The following ARFIP1 variants were observed in gnomAD, a reference collection of about 807,000 sequenced individuals.
ARFIP1 encodes arfaptin-1.
A neutral mutation model predicts 42.5 loss-of-function variants in ARFIP1; 24 were observed. The observed-to-expected ratio is 0.57, with a 90% CI of 0.41 to 0.80. The LOEUF (loss-of-function observed/expected upper bound fraction) is 0.80, where lower values mean the gene tolerates loss of function less well. ARFIP1 is among the 30% of genes least tolerant of loss of function. The probability of loss-of-function intolerance (pLI) is 0.00; values close to 1 mark genes in which losing one functional copy is unlikely to be tolerated. For missense variants in ARFIP1, 354 were observed against 434.0 expected, an observed-to-expected ratio of 0.82 and a Z score of 1.64; for synonymous variants, 141 against 153.7, an observed-to-expected ratio of 0.92 and a Z score of 0.61.
intron 2 of ARFIP1, among the ~76,000 whole-genome samples, chr4:152,861,285 T>A (rs1733872483): frequency 6.6e-6 from 1 of 152,206 alleles, no homozygotes; most frequent in Non-Finnish European, 1.5e-5. Flanking sequence ...ACCTAGAAGA[T>A]TCTATTCATC....
rs371605027 is a variant in ARFIP1, at chr4:152,796,502, A to G, written c.-10+16276A>G. ...GCAGAGGGACTTCCCATTTTCCCTC[A>G]TTCTCTTTTCGTTTCTGTTTAATCA... On this transcript the variant is annotated intron_variant, in intron 1 of 8. Coordinates refer to ENST00000353617, the MANE Select transcript of ARFIP1 (RefSeq NM_001025595.3). 113 of 739,668 alleles carry G rather than the reference A, an allele frequency of 1.5e-4. No homozygotes were observed. In the African/African-American group the frequency reaches 1.6e-3, roughly 11 times the overall value. The allele number at this position is 739,668 out of a possible 1,614,324, so 45.8% of individuals were successfully genotyped here. A position where few individuals can be genotyped will look rare whatever the true frequency, so the allele number is the denominator to read the frequency against.
chr4:152,812,089 C>A (rs1729512350), intron 1 of ARFIP1, among the ~76,000 whole-genome samples: 1 of 152,190 alleles, frequency 6.6e-6, no homozygotes, highest in African/African-American at 2.4e-5. Flanking sequence ...AAGTCACAAA[C>A]CCGGAACAAT....
At chr4:152,878,627 T>A (rs1258110387) in intron 5 of ARFIP1, among the ~76,000 whole-genome samples, 1 of 152,214 alleles carries the variant, frequency 6.6e-6, no homozygotes, top group African/African-American at 2.4e-5. Context: ...TTATCTTAAT[T>A]TGCCTTATAA....
At chr4:152,819,370 A>G (rs1730170140) in intron 1 of ARFIP1, among the ~76,000 whole-genome samples, 1 of 152,200 alleles carries the variant, frequency 6.6e-6, no homozygotes, top group Non-Finnish European at 1.5e-5. Flanking sequence ...CTGGCATTTC[A>G]GAAAGGCAAC....
Position 152,888,153 on chromosome 4 carries a change from G to A in ARFIP1, c.812G>A (p.Arg271His), listed in dbSNP as rs972103124. ...TCCAGGATTGAATATGATGCATATC[G>A]CACTGATTTGGAAGAACTGAATCTT... is the stretch of plus-strand genomic sequence containing the variant. ...ESARIEYDAY[R>H]TDLEELNLGP... The change falls in exon 8 of 9, where the codon CGC becomes CAC. Residue 271 changes from arginine (R) to histidine (H), a missense_variant. Physicochemically the swap from Arg to His is conservative, Grantham distance 29 (BLOSUM62 0). Transcript: ENST00000353617. 9 of 1,607,942 alleles carry A rather than the reference G, an allele frequency of 5.6e-6. No homozygotes were observed. The highest frequency in any genetic ancestry group is 1.7e-5 in the Admixed American group (1 of 58,560).
At chr4:152,822,364 T>A (rs1730460659) in intron 1 of ARFIP1, among the ~76,000 whole-genome samples, 1 of 149,614 alleles carries the variant, frequency 6.7e-6, no homozygotes, top group Non-Finnish European at 1.5e-5. Context: ...AAGAAAATGT[T>A]ACAGTCCTAA....
chr4:152,853,769 C>A (rs1241917734), intron 2 of ARFIP1, among the ~76,000 whole-genome samples: 1 of 152,116 alleles, frequency 6.6e-6, no homozygotes, highest in Non-Finnish European at 1.5e-5. Flanking sequence ...TCTCTTCACC[C>A]TCTGGGACCC....
chr4:152,781,234 C>CTTTT lies in ARFIP1; in HGVS notation c.-10+1024_-10+1027dup, dbSNP rs535397594. Among the ~76,000 whole-genome samples the CTTTT allele has an allele frequency of 1.0e-3, 124 of 118,910 alleles. 1 individual carries two copies. Among genetic ancestry groups the CTTTT allele is most frequent in the South Asian group, 3.2e-3 (12 of 3,710 alleles). 78.0% of individuals were successfully genotyped at this position (118,910 alleles called of 152,430 possible). ...TTCAGGAATTGGCCTTTTCTTTTTT[C>CTTTT]TTTTTTTTTTTTTTTTTTTGAGACA... On this transcript the variant is annotated intron_variant, in intron 1 of 8. Transcript: ENST00000353617.
intron 3 of ARFIP1, among the ~76,000 whole-genome samples, chr4:152,865,790 A>G (rs991529025): frequency 5.9e-5 from 9 of 152,202 alleles, no homozygotes; most frequent in African/African-American, 2.2e-4. Flanking sequence ...ATAATTTGGT[A>G]CCATTTTTTG....
chr4:152,835,908 G>A (rs1184411151), intron 2 of ARFIP1, among the ~76,000 whole-genome samples: 1 of 152,140 alleles, frequency 6.6e-6, no homozygotes, highest in East Asian at 1.9e-4. Flanking sequence ...CATGGTGAGA[G>A]CAGGAGCAAG....
At chr4:152,899,227 T>G (rs1487348918) in intron 8 of ARFIP1, among the ~76,000 whole-genome samples, 1 of 152,180 alleles carries the variant, frequency 6.6e-6, no homozygotes, top group Non-Finnish European at 1.5e-5. Flanking sequence ...AATTCTGAAC[T>G]TGAGATCAGG....
At chr4:152,895,119 T>G (rs1193813816) in intron 8 of ARFIP1, among the ~76,000 whole-genome samples, 1 of 152,200 alleles carries the variant, frequency 6.6e-6, no homozygotes, top group African/African-American at 2.4e-5. Flanking sequence ...GGGAAGCCCT[T>G]GAAATAATTC....
chr4:152,892,506 G>GTGTGA (rs1232446430), intron 8 of ARFIP1, among the ~76,000 whole-genome samples: 1 of 152,120 alleles, frequency 6.6e-6, no homozygotes, highest in Non-Finnish European at 1.5e-5. Context: ...ATAGTAATAA[G>GTGTGA]CTTTAGCATT....
intron 1 of ARFIP1, among the ~76,000 whole-genome samples, chr4:152,812,754 G>A (rs1729569727): frequency 6.6e-6 from 1 of 152,088 alleles, no homozygotes; most frequent in Admixed American, 6.5e-5. Flanking sequence ...ATTTTGGTGA[G>A]TGACATGTTT....
chr4:152,888,198 C>A lies in ARFIP1; in HGVS notation c.857C>A (p.Thr286Asn). The change falls in exon 8 of 9, where the codon ACT becomes AAT. Residue 286 changes from threonine (T) to asparagine (N), a missense_variant. Transcript: ENST00000353617. ...AATCTTGGACCACGTGACGCAAACA[C>A]TCTGCCAAAGATTGAGCAGTCACAG... Reference protein sequence around the residue: ...ELNLGPRDANTLPKIEQSQHL... With the variant: ...ELNLGPRDANNLPKIEQSQHL... 1 of 1,612,064 alleles carries A rather than the reference C, an allele frequency of 6.2e-7. No individual in the cohort carries two copies. Among genetic ancestry groups the A allele is most frequent in the Non-Finnish European group, 8.5e-7 (1 of 1,179,050 alleles).
intron 3 of ARFIP1, among the ~76,000 whole-genome samples, chr4:152,867,670 A>T (rs756734899): frequency 4.6e-5 from 7 of 152,164 alleles, no homozygotes; most frequent in Non-Finnish European, 1.0e-4. Flanking sequence ...AATTGAAATC[A>T]GTTGGCCATC....
chr4:152,790,690 G>A (rs1731093306), intron 1 of ARFIP1, among the ~76,000 whole-genome samples: 2 of 149,082 alleles, frequency 1.3e-5, no homozygotes, highest in South Asian at 2.2e-4. Flanking sequence ...TTTTGTCAGG[G>A]CTTTCTATTT....
chr4:152,868,595 A>G (rs1343469366), intron 3 of ARFIP1, among the ~76,000 whole-genome samples: 3 of 152,144 alleles, frequency 2.0e-5, no homozygotes, highest in African/African-American at 7.2e-5. Context: ...ATCATTTGTT[A>G]TATATATTAT....
intron 8 of ARFIP1, among the ~76,000 whole-genome samples, chr4:152,894,194 C>T (rs1333359125): frequency 3.5e-5 from 5 of 144,198 alleles, no homozygotes; most frequent in South Asian, 2.2e-4. Flanking sequence ...GATGACAGAG[C>T]GAGACTCTGT....
Sources: allele counts gnomAD v4.1 joint callset (sites outside exome capture counted in the v4.1 genomes callset), GRCh38; gene constraint gnomAD v4.1.1; transcripts MANE v1.5; gene names NCBI Gene and HGNC (gene_info 2026-07-23, HGNC 2026-07-21).